The following SALL4 variants were observed in gnomAD, a reference collection of about 807,000 sequenced individuals.
The protein encoded by SALL4 is sal-like protein 4.
A neutral mutation model predicts 60.8 loss-of-function variants in SALL4; 4 were observed. The ratio of observed to expected loss-of-function variants is 0.07; its 90% confidence interval spans 0.03 to 0.15. The LOEUF is 0.15. SALL4 is among the 10% of genes least tolerant of loss of function. The probability of loss-of-function intolerance (pLI) is 1.00; values close to 1 mark genes in which losing one functional copy is unlikely to be tolerated. For missense variants in SALL4, 1,178 were observed against 1,394.7 expected, an observed-to-expected ratio of 0.84 and a Z score of 2.48; for synonymous variants, 580 against 574.9, an observed-to-expected ratio of 1.01 and a Z score of -0.13.
At chr20:51,792,427 A>T in intron 1 of SALL4, 75 bp from the exon 2 acceptor site, 3 of 1,560,886 alleles carry the variant, frequency 1.9e-6, no homozygotes, top group Non-Finnish European at 2.6e-6. Flanking sequence ...CGTCGCTCAC[A>T]TCTATAATCC....
At chr20:51,795,223 C>T (rs898828106) in intron 1 of SALL4, among the ~76,000 whole-genome samples, 20 of 152,106 alleles carry the variant, frequency 1.3e-4, no homozygotes, top group South Asian at 6.2e-4. Context: ...CTGGCTAACA[C>T]GGTGAAACTC....
chr20:51,791,192 G>C lies in SALL4; in HGVS notation c.1291C>G (p.Arg431Gly). The change falls in exon 2 of 4, where the codon CGA becomes GGA. Residue 431 changes from arginine to glycine, a missense_variant. By Grantham distance (125) the Arg-to-Gly change is moderately radical (BLOSUM62 -2). Coordinates refer to ENST00000217086, the MANE Select transcript of SALL4 (RefSeq NM_020436.5). This position sits in a 1 kb window ranked among gnomAD's most constrained non-coding sequence, Gnocchi z 4.6. ...GGGTTTGCCTTCACCTGGGGATGTC[G>C]GTGAAAGTGCACCTTGAGGTTGCCC... ...TKGNLKVHFH[R>G]HPQVKANPQL... 6.2e-7 allele frequency: 1 copy of C among 1,614,102 alleles called. No homozygotes were observed.
Position 51,784,347 on chromosome 20 carries a change from A to C in SALL4, c.3080T>G (p.Val1027Gly), listed in dbSNP as rs373111608. 1.7e-5 allele frequency: 28 copies of C among 1,614,058 alleles called. No individual in the cohort carries two copies. The highest frequency in any genetic ancestry group is 5.0e-5 in the Admixed American group (3 of 59,992). ...DGSQSGISAD[V>G]EKPSATDGVP... ...GCCGTCAGTAGCACTTGGTTTTTCCACATCTGCACTGATACCCGACTGGGA... is the reference window on the plus strand; with the variant it reads ...GCCGTCAGTAGCACTTGGTTTTTCCCCATCTGCACTGATACCCGACTGGGA... The change falls in exon 4 of 4, where the codon GTG becomes GGG. Residue 1027 changes from valine to glycine, a missense_variant. This residue lies in a region of SALL4 where 174 missense variants were observed against 169.6 expected (regional missense o/e 1.03). Transcript: ENST00000217086.
chr20:51,800,793 G>C lies in SALL4; in HGVS notation c.130+1486C>G, dbSNP rs569284216. On this transcript the variant is annotated intron_variant, in intron 1 of 3. Transcript: ENST00000217086. ...TCCAGGCGCCTGGGACCTCGGGTGC[G>C]CGCTGCGCTGACCACCCGGCGCCCC... 4.6e-5 allele frequency among the ~76,000 whole-genome samples: 7 copies of C among 151,146 alleles called. No individual in the cohort carries two copies. The East Asian group carries it at 1.4e-3, about 30-fold the overall frequency.
intron 3 of SALL4, among the ~76,000 whole-genome samples, chr20:51,785,467 C>T (rs951292722): frequency 6.6e-6 from 1 of 152,168 alleles, no homozygotes; most frequent in African/African-American, 2.4e-5. Context: ...GGACTGTCTG[C>T]ACTTTATATT....
In SALL4 at chr20:51,791,044, G is replaced by T. The variant is rs909590365; in HGVS notation, c.1439C>A (p.Thr480Asn). The change falls in exon 2 of 4, where the codon ACC (threonine) becomes AAC (asparagine). Residue 480 changes from threonine (T) to asparagine (N), a missense_variant. Physicochemically the swap from Thr to Asn is moderately conservative, Grantham distance 65. Around this residue, in one of 5 missense-constraint regions of SALL4, gnomAD observed 853 missense variants for 1,036.8 expected, o/e 0.82. Coordinates refer to ENST00000217086, the MANE Select transcript of SALL4 (RefSeq NM_020436.5). This position sits in a 1 kb window ranked among gnomAD's most constrained non-coding sequence, Gnocchi z 4.6. Reference protein sequence around the residue: ...LSLDSKPVLVTTSVGLPQNLS... With the variant: ...LSLDSKPVLVNTSVGLPQNLS... ...ATTCTGAGGTAGCCCTACAGAGGTG[G>T]TTACAAGGACAGGTTTGCTGTCTAA... 2 of 1,614,152 alleles carry T rather than the reference G, an allele frequency of 1.2e-6. No homozygotes were observed. The highest frequency in any genetic ancestry group is 2.2e-5 in the South Asian group (2 of 91,086).
At position 51,792,578 on chromosome 20, in the gene SALL4, A is replaced by G. The variant is rs146597375; in HGVS notation, c.131-226T>C. Among the ~76,000 whole-genome samples, 1,725 of 151,224 alleles carry G rather than the reference A, an allele frequency of 0.011. 16 individuals are homozygous for G. The highest frequency in any genetic ancestry group is 0.034 in the Middle Eastern group (10 of 294). On this transcript the variant is annotated intron_variant, in intron 1 of 3. Coordinates refer to ENST00000217086, the MANE Select transcript of SALL4 (RefSeq NM_020436.5). ...GTGGTGGGCTCCTGTGGTCCCAGCTACTCGGGAGGCTGAGGCTCAAGAATT... is the reference window on the plus strand; with the variant it reads ...GTGGTGGGCTCCTGTGGTCCCAGCTGCTCGGGAGGCTGAGGCTCAAGAATT...
chr20:51,791,167 G>A lies in SALL4; in HGVS notation c.1316C>T (p.Pro439Leu), dbSNP rs762523371. 11 of 1,614,030 alleles carry A rather than the reference G, an allele frequency of 6.8e-6. No individual in the cohort carries two copies. The highest frequency in any genetic ancestry group is 4.0e-5 in the African/African-American group (3 of 74,924). ...GTCCTGGAACTCGGCAAACAGCTGG[G>A]GGTTTGCCTTCACCTGGGGATGTCG... ...FHRHPQVKAN[P>L]QLFAEFQDKV... Residue 439 changes from proline (P) to leucine (L), a missense_variant, in exon 2 of 4, where the codon CCC becomes CTC. Coordinates refer to ENST00000217086, the MANE Select transcript of SALL4 (RefSeq NM_020436.5). The surrounding 1 kb of genome is among the most constrained non-coding windows in gnomAD (Gnocchi z 4.6).
At position 51,791,574 on chromosome 20, in the gene SALL4, G is replaced by T. The variant is rs367739959; in HGVS notation, c.909C>A (p.Thr303=). The T allele has an allele frequency of 2.5e-6, 4 of 1,613,574 alleles. No individual in the cohort carries two copies. In the African/African-American group the frequency reaches 4.0e-5, roughly 16 times the overall value. The change falls in exon 2 of 4, where the codon ACC becomes ACA. Residue 303 remains threonine, a synonymous_variant. Coordinates refer to ENST00000217086, the MANE Select transcript of SALL4 (RefSeq NM_020436.5). This position sits in a 1 kb window ranked among gnomAD's most constrained non-coding sequence, Gnocchi z 4.6. Reference sequence around the variant, plus strand: ...GTGCCAGCCCTGGGGACAGGGAGCTGGTGGCAGAAGGGATGTTGGCGTGAG... The same window carrying T: ...GTGCCAGCCCTGGGGACAGGGAGCTTGTGGCAGAAGGGATGTTGGCGTGAG... ...KLPHANIPSA[T]SSLSPGLAPF... is the part of the protein sequence containing the mutation.
intron 3 of SALL4, among the ~76,000 whole-genome samples, 188 bp from the exon 4 acceptor site, chr20:51,784,872 A>T (rs2077981190): frequency 6.6e-6 from 1 of 152,230 alleles, no homozygotes; most frequent in Non-Finnish European, 1.5e-5. Context: ...TCTAAAATGC[A>T]TTTAATACCC....
At position 51,792,070 on chromosome 20, in the gene SALL4, C is replaced by T. The variant is rs2078049000; in HGVS notation, c.413G>A (p.Gly138Asp). 1.2e-6 allele frequency: 2 copies of T among 1,614,072 alleles called. No homozygotes were observed. Among genetic ancestry groups the T allele is most frequent in the Non-Finnish European group, 1.7e-6 (2 of 1,180,050 alleles). ...CTTCTCCTTCATGTCCTCTGAGCTGCCGCCATTCTCCCTGTGACAGTCCTT... is the reference window on the plus strand; with the variant it reads ...CTTCTCCTTCATGTCCTCTGAGCTGTCGCCATTCTCCCTGTGACAGTCCTT... ...GSKDCHRENG[G>D]SSEDMKEKPD... is the part of the protein sequence containing the mutation. Residue 138 changes from glycine to aspartate, a missense_variant, in exon 2 of 4, where the codon GGC (glycine) becomes GAC (aspartate). Gly to Asp is a moderately conservative substitution (Grantham distance 94). Transcript: ENST00000217086.
At position 51,784,164 on chromosome 20, in the gene SALL4, C is replaced by G; in HGVS notation, c.*101G>C. 1 of 1,363,758 alleles carries G rather than the reference C, an allele frequency of 7.3e-7. No individual in the cohort carries two copies. Among genetic ancestry groups the G allele is most frequent in the Non-Finnish European group, 1.0e-6 (1 of 964,572 alleles). 84.5% of individuals were successfully genotyped at this position (1,363,758 alleles called of 1,614,324 possible). The stretch of plus-strand genomic sequence containing the variant: ...AACGTAGTAAACATCATTTGCATAT[C>G]AGTAAGAAAAAGAAAACAGGAGGAG... On this transcript the variant is annotated 3_prime_UTR_variant, in exon 4 of 4. Transcript: ENST00000217086.
At chr20:51,792,844 T>C in intron 1 of SALL4, 2 of 1,031,468 alleles carry the variant, frequency 1.9e-6, no homozygotes, top group Non-Finnish European at 2.3e-6. Flanking sequence ...ACATGATGCC[T>C]GGAAGTCTCT....
intron 1 of SALL4, among the ~76,000 whole-genome samples, chr20:51,800,239 C>A (rs889784508): frequency 6.6e-6 from 1 of 152,150 alleles, no homozygotes; most frequent in Admixed American, 6.5e-5. Flanking sequence ...TCTCCATTCA[C>A]CCCCACAACC....
intron 1 of SALL4, 142 bp downstream of exon 1, chr20:51,802,137 C>T (rs1284768653): frequency 2.2e-5 from 22 of 982,512 alleles, no homozygotes; most frequent in Non-Finnish European, 2.9e-5. Context: ...GAGGAGACCT[C>T]TCCTCCCGGG....
In SALL4 at chr20:51,792,076, T is replaced by C; in HGVS notation, c.407A>G (p.Asn136Ser). The C allele has an allele frequency of 6.2e-7, 1 of 1,614,190 alleles. No homozygotes were observed. The change falls in exon 2 of 4, where the codon AAT becomes AGT. Residue 136 changes from asparagine to serine, a missense_variant. Coordinates refer to ENST00000217086, the MANE Select transcript of SALL4 (RefSeq NM_020436.5). ...CTTCATGTCCTCTGAGCTGCCGCCA[T>C]TCTCCCTGTGACAGTCCTTACTGCC... is the stretch of plus-strand genomic sequence containing the variant. The part of the protein sequence containing the change: ...SPGSKDCHRE[N>S]GGSSEDMKEK...
Position 51,790,466 on chromosome 20 carries a change from C to T in SALL4, c.2017G>A (p.Val673Met), listed in dbSNP as rs1375871466. ...CDFTGSEPMT[V>M]GENGSTGAIC... is the part of the protein sequence containing the mutation. The stretch of plus-strand genomic sequence containing the variant: ...GCGCCGGTGCTGCCGTTCTCACCCA[C>T]GGTCATTGGCTCAGAACCCGTAAAG... Residue 673 changes from valine (V) to methionine (M), a missense_variant, in exon 2 of 4, where the codon GTG (valine) becomes ATG (methionine). By Grantham distance (21) the Val-to-Met change is conservative (BLOSUM62 1). Transcript: ENST00000217086. This position sits in a 1 kb window ranked among gnomAD's most constrained non-coding sequence, Gnocchi z 5.5. 8 of 1,614,002 alleles carry T rather than the reference C, an allele frequency of 5.0e-6. No homozygotes were observed. Among genetic ancestry groups the T allele is most frequent in the Admixed American group, 1.7e-5 (1 of 60,002 alleles).
chr20:51,802,234 T>A, intron 1 of SALL4, 45 bp downstream of exon 1: 1 of 1,551,568 alleles, frequency 6.4e-7, no homozygotes, highest in East Asian at 2.3e-5. Flanking sequence ...CCCGCGTACG[T>A]CCGGGAAGCT....
Position 51,784,385 on chromosome 20 carries a change from G to A in SALL4, c.3042C>T (p.Ser1014=). ...ATSVVNNATV[S]KMDGSQSGIS... Reference sequence around the variant, plus strand: ...TACCCGACTGGGAGCCATCCATCTTGGAGACAGTGGCGTTATTCACAACGG... The same window carrying A: ...TACCCGACTGGGAGCCATCCATCTTAGAGACAGTGGCGTTATTCACAACGG... The change falls in exon 4 of 4, where the codon TCC becomes TCT. Residue 1014 remains serine, a synonymous_variant. Coordinates refer to ENST00000217086, the MANE Select transcript of SALL4 (RefSeq NM_020436.5). The A allele has an allele frequency of 1.9e-6, 3 of 1,614,184 alleles. No homozygotes were observed. Among genetic ancestry groups the A allele is most frequent in the Non-Finnish European group, 2.5e-6 (3 of 1,180,038 alleles).
Sources: allele counts gnomAD v4.1 joint callset (sites outside exome capture counted in the v4.1 genomes callset), GRCh38; gene constraint gnomAD v4.1.1; regional missense constraint gnomAD v4.1.1; non-coding constraint Gnocchi (gnomAD v3.1); transcripts MANE v1.5; gene names NCBI Gene and HGNC (gene_info 2026-07-23, HGNC 2026-07-21).